The following ABCB5 variants were observed in gnomAD, a reference collection of about 807,000 sequenced individuals.
The protein encoded by ABCB5 is ATP binding cassette subfamily B member 5, also known as ATP-binding cassette sub-family B member 5.
A neutral mutation model predicts 144.2 loss-of-function variants in ABCB5; 155 were observed. The observed-to-expected ratio is 1.08, with a 90% CI of 0.94 to 1.23. ABCB5 has a LOEUF of 1.23. ABCB5 is among the 50% of genes most tolerant of loss of function. The pLI is 0.00. For synonymous variants in ABCB5, 610 were observed against 528.6 expected (o/e 1.15, Z -2.11); for missense variants, 1,830 against 1,520.8 (o/e 1.20, Z -3.38).
At position 20,637,420 on chromosome 7, in the gene ABCB5, ATT is replaced by A. The variant is rs71020651; in HGVS notation, c.314+5322_314+5323del. Among the ~76,000 whole-genome samples, 1,117 of 142,928 alleles carry A rather than the reference ATT, an allele frequency of 7.8e-3. 16 individuals are homozygous for A. Among genetic ancestry groups the A allele is most frequent in the African/African-American group, 0.027 (1,029 of 38,794 alleles). 93.8% of individuals were successfully genotyped at this position (142,928 alleles called of 152,430 possible). ...TTTGCTGCCAAAAGTTGATTACTTAATTTTTTTTTTTTTTTTGAGATGGAGTT... is the reference window on the plus strand; with the variant it reads ...TTTGCTGCCAAAAGTTGATTACTTAATTTTTTTTTTTTTTGAGATGGAGTT... On this transcript the variant is annotated intron_variant, in intron 5 of 27. Coordinates refer to ENST00000404938, the MANE Select transcript of ABCB5 (RefSeq NM_001163941.2).
chr7:20,700,046 T>TTTGC lies in ABCB5; in HGVS notation c.2260-9_2260-6dup. 1 of 1,612,634 alleles carries TTTGC rather than the reference T, an allele frequency of 6.2e-7. No homozygotes were observed. The highest frequency in any genetic ancestry group is 1.1e-5 in the South Asian group (1 of 90,800). Reference sequence around the variant, plus strand: ...GGAAAAGAACGTAGATTTTTGTTTGTTTGCTTTTCAGGGATTATTTTACGG... The same window carrying TTTGC: ...GGAAAAGAACGTAGATTTTTGTTTGTTTGCTTGCTTTTCAGGGATTATTTTACGG... On this transcript the variant is annotated splice_polypyrimidine_tract_variant and intron_variant, in intron 18 of 27. Coordinates refer to ENST00000404938, the MANE Select transcript of ABCB5 (RefSeq NM_001163941.2).
chr7:20,722,882 TA>T, intron 20 of ABCB5, 133 bp from the exon 21 acceptor site: 2 of 666,176 alleles, frequency 3.0e-6, no homozygotes, highest in Non-Finnish European at 5.0e-6. Flanking sequence ...TCTCAAAGTA[TA>T]AATTCAAGGC....
At position 20,645,851 on chromosome 7, in the gene ABCB5, C is replaced by T; in HGVS notation, c.774C>T (p.Ala258=). The change falls in exon 8 of 28, where the codon GCC becomes GCT. Residue 258 remains alanine (A), a synonymous_variant. Transcript: ENST00000404938. The part of the protein sequence containing the change: ...EVLSSIRTVI[A]FRAQEKELQR... ...TGTCATCAATCCGAACAGTCATAGC[C>T]TTTAGGGCCCAGGAGAAAGAACTTC... is the stretch of plus-strand genomic sequence containing the variant. 1.2e-6 allele frequency: 2 copies of T among 1,613,800 alleles called. No homozygotes were observed. The highest frequency in any genetic ancestry group is 1.7e-5 in the Admixed American group (1 of 59,988).
intron 20 of ABCB5, among the ~76,000 whole-genome samples, chr7:20,708,735 AAATAAT>A (rs2128045501): frequency 6.6e-6 from 1 of 152,316 alleles, no homozygotes; most frequent in Admixed American, 6.5e-5. Context: ...ATATGCTGAC[AAATAAT>A]AATAATAAAT....
At chr7:20,640,747 G>C (rs145244161) in intron 5 of ABCB5, among the ~76,000 whole-genome samples, 1 of 151,964 alleles carries the variant, frequency 6.6e-6, no homozygotes, top group Admixed American at 6.5e-5. Context: ...TTGGGACTTA[G>C]AAAAAAAACT....
intron 14 of ABCB5, among the ~76,000 whole-genome samples, chr7:20,668,909 C>A (rs1785342623): frequency 8.4e-6 from 1 of 119,188 alleles, no homozygotes; most frequent in Non-Finnish European, 1.7e-5. Context: ...GCGCCTCTGC[C>A]CGGCCGCCCC....
chr7:20,679,471 C>CAAAAAAAAAAAAAAAAAAAA (rs768696376), intron 14 of ABCB5, among the ~76,000 whole-genome samples: 1 of 59,444 alleles, frequency 1.7e-5, no homozygotes. Flanking sequence ...AACTCCATCT[C>CAAAAAAAAAAAAAAAAAAAA]AAAAAAAAAA....
intron 22 of ABCB5, among the ~76,000 whole-genome samples, chr7:20,727,597 T>A (rs553174101): frequency 1.1e-3 from 160 of 152,132 alleles, no homozygotes; most frequent in African/African-American, 3.5e-3. Context: ...TAGCTGGGTG[T>A]GGTGGTGCAC....
At chr7:20,633,446 T>C (rs1218241277) in intron 5 of ABCB5, among the ~76,000 whole-genome samples, 2 of 152,136 alleles carry the variant, frequency 1.3e-5, no homozygotes, top group African/African-American at 4.8e-5. Flanking sequence ...TGCAGTGACA[T>C]CTTCTGGGCC....
At chr7:20,736,126 T>G (rs898524537) in intron 23 of ABCB5, among the ~76,000 whole-genome samples, 1 of 152,172 alleles carries the variant, frequency 6.6e-6, no homozygotes, top group Non-Finnish European at 1.5e-5. Flanking sequence ...GAAAGAAACT[T>G]ACTGAGTAAG....
intron 4 of ABCB5, among the ~76,000 whole-genome samples, chr7:20,631,307 T>C (rs554940471): frequency 6.6e-5 from 10 of 152,216 alleles, no homozygotes; most frequent in East Asian, 3.9e-4. Flanking sequence ...ATTCCATAAA[T>C]AGAATAAGGG....
At chr7:20,726,953 C>A in intron 21 of ABCB5, 87 bp from the exon 22 acceptor site, 1 of 805,158 alleles carries the variant, frequency 1.2e-6, no homozygotes, top group South Asian at 2.3e-5. Context: ...TTAATATGTC[C>A]CCAGTGTGAG....
At position 20,616,262 on chromosome 7, in the gene ABCB5, C is replaced by T. The variant is rs1473483864; in HGVS notation, c.-22+425C>T. Among the ~76,000 whole-genome samples, 5 of 152,328 alleles carry T rather than the reference C, an allele frequency of 3.3e-5. No individual in the cohort carries two copies. The East Asian group carries it at 9.7e-4, about 29-fold the overall frequency. On this transcript the variant is annotated intron_variant, in intron 1 of 27. Transcript: ENST00000404938. ...TGTTGGACAGGCTGGTCTCGAACTC[C>T]TGACCTCAGATGATCCAGCCGCCTT... is the stretch of plus-strand genomic sequence containing the variant.
In ABCB5 at chr7:20,685,102, C is replaced by A. The variant is rs150076025; in HGVS notation, c.1870-594C>A. Reference sequence around the variant, plus strand: ...CTGGCCTGAAGTGATCCGCACGTCTCGGTTTCCCAAAGTGCTGGGATTACA... The same window carrying A: ...CTGGCCTGAAGTGATCCGCACGTCTAGGTTTCCCAAAGTGCTGGGATTACA... On this transcript the variant is annotated intron_variant, in intron 15 of 27. Coordinates refer to ENST00000404938, the MANE Select transcript of ABCB5 (RefSeq NM_001163941.2). Among the ~76,000 whole-genome samples the A allele has an allele frequency of 2.3e-3, 355 of 152,330 alleles. 2 individuals are homozygous for A. Among genetic ancestry groups the A allele is most frequent in the Non-Finnish European group, 4.1e-3 (280 of 68,038 alleles).
chr7:20,681,010 CTTTCTTTCTT>C (rs1436838534), intron 14 of ABCB5, among the ~76,000 whole-genome samples: 5 of 6,566 alleles, frequency 7.6e-4, no homozygotes, highest in East Asian at 0.071. Context: ...TTCTTTCTTT[CTTTCTTTCTT>C]TCTTTCTTTC....
At position 20,654,278 on chromosome 7, in the gene ABCB5, A is replaced by G. The variant is rs142989710; in HGVS notation, c.1536+2655A>G. Among the ~76,000 whole-genome samples, 353 of 152,328 alleles carry G rather than the reference A, an allele frequency of 2.3e-3. 9 individuals carry two copies. The highest frequency in any genetic ancestry group is 0.023 in the Admixed American group (347 of 15,302). ...ACTCAGTACATCATTTACAAAAACCAGACATGCAAAGAAACAGAAAAATAT... is the reference window on the plus strand; with the variant it reads ...ACTCAGTACATCATTTACAAAAACCGGACATGCAAAGAAACAGAAAAATAT... On this transcript the variant is annotated intron_variant, in intron 13 of 27. Transcript: ENST00000404938.
intron 12 of ABCB5, among the ~76,000 whole-genome samples, chr7:20,650,865 G>A (rs1784561372): frequency 1.3e-5 from 2 of 152,100 alleles, no homozygotes; most frequent in African/African-American, 4.8e-5. Flanking sequence ...GAAAACAAGG[G>A]TTGGTAAGAA....
At position 20,651,633 on chromosome 7, in the gene ABCB5, CTG is replaced by C. The variant is rs1562539673; in HGVS notation, c.1536+13_1536+14del. 6.2e-7 allele frequency: 1 copy of C among 1,613,354 alleles called. No individual in the cohort carries two copies. The highest frequency in any genetic ancestry group is 1.7e-5 in the Admixed American group (1 of 60,000). On this transcript the variant is annotated intron_variant, in intron 13 of 27. Transcript: ENST00000404938. ...CATGGAGTTTCCTAATGTGAGTACA[CTG>C]TGCAGCCTGTGTCCTTAGCTTATGG...
At chr7:20,665,768 G>GAGATACATACATAC (rs375425769) in intron 14 of ABCB5, among the ~76,000 whole-genome samples, 3 of 125,432 alleles carry the variant, frequency 2.4e-5, no homozygotes, top group Admixed American at 8.2e-5. Flanking sequence ...GATAGATAGA[G>GAGATACATACATAC]ATACATACAT....
Sources: gnomAD v4.1 joint callset for allele counts (sites outside exome capture counted in the v4.1 genomes callset) on GRCh38, gnomAD v4.1.1 for gene constraint, MANE v1.5 for transcripts, NCBI Gene and HGNC (gene_info 2026-07-23, HGNC 2026-07-21) for gene names.